The following GRID2 variants were observed in gnomAD, a reference collection of about 807,000 sequenced individuals.
The protein encoded by GRID2 is glutamate ionotropic receptor delta type subunit 2.
Under a neutral mutation model 114.8 loss-of-function variants are expected in GRID2, and 33 were observed. The observed-to-expected ratio is 0.29, with a 90% CI of 0.22 to 0.38. GRID2 has a LOEUF of 0.38. GRID2 is among the 10% of genes least tolerant of loss of function. The probability of loss-of-function intolerance (pLI) is 1.00; values close to 1 mark genes in which losing one functional copy is unlikely to be tolerated. For synonymous variants in GRID2, 505 were observed against 449.9 expected (o/e 1.12, Z -1.55); for missense variants, 1,184 against 1,257.7 (o/e 0.94, Z 0.89).
intron 2 of GRID2, among the ~76,000 whole-genome samples, chr4:93,031,343 C>G (rs943396338): frequency 1.3e-5 from 2 of 152,056 alleles, no homozygotes; most frequent in Non-Finnish European, 2.9e-5. Flanking sequence ...CGTGCCCGGC[C>G]GTATCATCCA....
chr4:93,016,799 T>C (rs1313506159), intron 2 of GRID2, among the ~76,000 whole-genome samples: 1 of 152,198 alleles, frequency 6.6e-6, no homozygotes, highest in Non-Finnish European at 1.5e-5. Context: ...GTCAAGTGCA[T>C]TATTAAAATT....
chr4:93,582,878 A>T (rs1375329474), intron 13 of GRID2, among the ~76,000 whole-genome samples: 6 of 152,214 alleles, frequency 3.9e-5, no homozygotes, highest in Non-Finnish European at 8.8e-5. Flanking sequence ...TGCCATAACA[A>T]GTCACCACAA....
At chr4:93,216,091 C>A (rs1744175842) in intron 5 of GRID2, among the ~76,000 whole-genome samples, 1 of 152,018 alleles carries the variant, frequency 6.6e-6, no homozygotes, top group African/African-American at 2.4e-5. Context: ...GTTTCTCTCT[C>A]ATCTCATCCT....
intron 2 of GRID2, among the ~76,000 whole-genome samples, chr4:92,634,887 G>C (rs1212319898): frequency 2.0e-5 from 3 of 151,524 alleles, no homozygotes; most frequent in Non-Finnish European, 4.4e-5. Context: ...GAAAGAGAGA[G>C]AGAGAGAGAG....
At chr4:92,705,748 G>A (rs1560543139) in intron 2 of GRID2, among the ~76,000 whole-genome samples, 1 of 152,130 alleles carries the variant, frequency 6.6e-6, no homozygotes. Flanking sequence ...TCTGGAAGAG[G>A]TTGCCTCAAA....
intron 7 of GRID2, among the ~76,000 whole-genome samples, chr4:93,226,994 G>A (rs549407722): frequency 6.6e-6 from 1 of 152,158 alleles, no homozygotes; most frequent in East Asian, 1.9e-4. Context: ...ACTGGAATAA[G>A]GGGAGAAGAG....
chr4:92,817,835 C>A (rs1305773999), intron 2 of GRID2, among the ~76,000 whole-genome samples: 2 of 151,748 alleles, frequency 1.3e-5, no homozygotes, highest in East Asian at 1.9e-4. Flanking sequence ...TCCAGCCTTG[C>A]CAATTTTTTT....
At chr4:93,458,530 T>G (rs1215525227) in intron 11 of GRID2, among the ~76,000 whole-genome samples, 8 of 152,160 alleles carry the variant, frequency 5.3e-5, no homozygotes, top group African/African-American at 1.4e-4. Context: ...ACATCCCAAT[T>G]AAAGAATTTT....
At chr4:92,633,001 T>C (rs1730885016) in intron 2 of GRID2, among the ~76,000 whole-genome samples, 1 of 152,140 alleles carries the variant, frequency 6.6e-6, no homozygotes, top group African/African-American at 2.4e-5. Flanking sequence ...GCACTTGAAT[T>C]GATGAGACAG....
intron 9 of GRID2, among the ~76,000 whole-genome samples, chr4:93,420,704 A>AATTT (rs142485128): frequency 0.71 from 107,027 of 150,440 alleles, 38,767 homozygotes; most frequent in African/African-American, 0.86. Context: ...AAAATATGGA[A>AATTT]ATTTATTTGT....
chr4:92,924,566 A>G (rs986040318), intron 2 of GRID2, among the ~76,000 whole-genome samples: 3 of 152,160 alleles, frequency 2.0e-5, no homozygotes, highest in African/African-American at 4.8e-5. Context: ...ACACTGCTGC[A>G]TGGACAAACC....
At chr4:93,538,747 A>G (rs1189704361) in intron 13 of GRID2, among the ~76,000 whole-genome samples, 2 of 151,784 alleles carry the variant, frequency 1.3e-5, no homozygotes, top group African/African-American at 2.4e-5. Flanking sequence ...CCAAAATACT[A>G]CACCAGTACT....
At chr4:92,692,169 TAAC>T (rs1734212820) in intron 2 of GRID2, among the ~76,000 whole-genome samples, 2 of 152,150 alleles carry the variant, frequency 1.3e-5, no homozygotes, top group African/African-American at 4.8e-5. Context: ...AGTTAAAAAC[TAAC>T]AACATGTAAG....
intron 8 of GRID2, among the ~76,000 whole-genome samples, chr4:93,362,540 T>G (rs767096723): frequency 1.3e-5 from 2 of 152,098 alleles, no homozygotes; most frequent in Non-Finnish European, 2.9e-5. Context: ...TTTTCACCTG[T>G]TTCCTGAGAA....
At chr4:93,379,950 A>G (rs1024937748) in intron 8 of GRID2, among the ~76,000 whole-genome samples, 1 of 152,060 alleles carries the variant, frequency 6.6e-6, no homozygotes, top group African/African-American at 2.4e-5. Flanking sequence ...TTTTAACTTA[A>G]CAGACCTCAT....
intron 14 of GRID2, among the ~76,000 whole-genome samples, chr4:93,665,048 G>T (rs1723830720): frequency 6.6e-6 from 1 of 152,120 alleles, no homozygotes; most frequent in Non-Finnish European, 1.5e-5. Flanking sequence ...TTAATGAAAT[G>T]AATTCTAATT....
chr4:93,070,014 T>C (rs1560846573), intron 2 of GRID2, among the ~76,000 whole-genome samples: 1 of 152,260 alleles, frequency 6.6e-6, no homozygotes, highest in East Asian at 1.9e-4. Context: ...ATTTTTCTGT[T>C]AGCCTAGTGT....
At chr4:92,677,229 CCACAATGTTG>C (rs893628091) in intron 2 of GRID2, among the ~76,000 whole-genome samples, 3 of 152,048 alleles carry the variant, frequency 2.0e-5, no homozygotes, top group African/African-American at 7.2e-5. Context: ...GTACTTAATT[CCACAATGTTG>C]CACACTTAGA....
intron 8 of GRID2, among the ~76,000 whole-genome samples, chr4:93,330,082 CTGG>C (rs551862686): frequency 5.5e-4 from 83 of 152,104 alleles, no homozygotes; most frequent in African/African-American, 1.8e-3. Flanking sequence ...GGTAAAATAC[CTGG>C]TGGTTGTGTT....
Sources: allele counts gnomAD v4.1 joint callset (sites outside exome capture counted in the v4.1 genomes callset), GRCh38; gene constraint gnomAD v4.1.1; transcripts MANE v1.5; gene names NCBI Gene and HGNC (gene_info 2026-07-23, HGNC 2026-07-21).